The following IFNG-AS1 variants were observed in gnomAD, a reference collection of about 807,000 sequenced individuals.
IFNG-AS1 encodes the protein IFNG antisense RNA 1 (non-protein coding).
At chr12:68,013,258 A>G (rs1354334235) in intron 3 of IFNG-AS1, among the ~76,000 whole-genome samples, 2 of 152,238 alleles carry the variant, frequency 1.3e-5, no homozygotes, top group African/African-American at 4.8e-5. Context: ...ATAGGGAAAC[A>G]ACCCTAGCCC....
At chr12:68,020,241 A>C (rs1478681638) in intron 4 of IFNG-AS1, 1 of 152,184 alleles carries the variant, frequency 6.6e-6, no homozygotes, top group Non-Finnish European at 1.5e-5. Context: ...GACATGTGAC[A>C]TGTTGAATGT....
intron 3 of IFNG-AS1, among the ~76,000 whole-genome samples, chr12:68,018,901 C>T (rs537542807): frequency 6.6e-6 from 1 of 152,112 alleles, no homozygotes; most frequent in East Asian, 1.9e-4. Flanking sequence ...TGACCTATCC[C>T]AGAGCAACTT....
At chr12:67,994,706 G>A (rs188150017) in intron 1 of IFNG-AS1, among the ~76,000 whole-genome samples, 3 of 152,334 alleles carry the variant, frequency 2.0e-5, no homozygotes, top group South Asian at 2.1e-4. Flanking sequence ...TTATCTGGAT[G>A]ATGAAATAGA....
chr12:68,005,756 A>G (rs1364780720), intron 2 of IFNG-AS1, among the ~76,000 whole-genome samples: 1 of 152,234 alleles, frequency 6.6e-6, no homozygotes. Flanking sequence ...TAAGTAAATA[A>G]TAATGTACAT....
chr12:68,012,003 G>GT (rs1880042091), intron 3 of IFNG-AS1, among the ~76,000 whole-genome samples: 1 of 152,036 alleles, frequency 6.6e-6, no homozygotes, highest in African/African-American at 2.4e-5. Context: ...AAGGTTTGAT[G>GT]TTTTTTTCAT....
At chr12:67,998,186 G>T (rs967269183) in intron 2 of IFNG-AS1, among the ~76,000 whole-genome samples, 12 of 151,906 alleles carry the variant, frequency 7.9e-5, no homozygotes, top group African/African-American at 2.4e-4. Context: ...TTTGCACAGG[G>T]TTATTAATTG....
intron 1 of IFNG-AS1, among the ~76,000 whole-genome samples, chr12:67,992,747 A>G (rs1180192483): frequency 6.6e-6 from 1 of 152,218 alleles, no homozygotes; most frequent in Non-Finnish European, 1.5e-5. Context: ...TGGTTACCAA[A>G]TTAGACACTG....
intron 3 of IFNG-AS1, among the ~76,000 whole-genome samples, chr12:68,007,872 C>T (rs1289898179): frequency 3.9e-5 from 6 of 152,104 alleles, no homozygotes; most frequent in African/African-American, 9.7e-5. Flanking sequence ...GGTGCCCTCA[C>T]GATGAGATGA....
intron 2 of IFNG-AS1, among the ~76,000 whole-genome samples, chr12:68,005,884 A>G (rs997425928): frequency 1.3e-5 from 2 of 152,356 alleles, no homozygotes; most frequent in South Asian, 2.1e-4. Flanking sequence ...TCTAGTTATT[A>G]TACCTTCCCA....
intron 3 of IFNG-AS1, among the ~76,000 whole-genome samples, chr12:68,015,218 C>G (rs1297022670): frequency 1.3e-5 from 2 of 152,078 alleles, no homozygotes; most frequent in Non-Finnish European, 2.9e-5. Context: ...CAGGCAGGGG[C>G]TTCAACTCGG....
At chr12:68,007,998 G>A (rs1384042628) in intron 3 of IFNG-AS1, among the ~76,000 whole-genome samples, 1 of 152,136 alleles carries the variant, frequency 6.6e-6, no homozygotes, top group Non-Finnish European at 1.5e-5. Flanking sequence ...AACTAAAAAT[G>A]GAAAACCATT....
intron 2 of IFNG-AS1, among the ~76,000 whole-genome samples, chr12:67,999,049 T>C (rs1300287506): frequency 6.6e-6 from 1 of 152,178 alleles, no homozygotes; most frequent in East Asian, 1.9e-4. Flanking sequence ...ATTAACACTG[T>C]AATACTGGAC....
chr12:67,999,798 C>G (rs923197643), intron 2 of IFNG-AS1, among the ~76,000 whole-genome samples: 1 of 152,188 alleles, frequency 6.6e-6, no homozygotes, highest in Admixed American at 6.5e-5. Context: ...CCTAAAGTCT[C>G]TCTCTACGAA....
chr12:67,991,859 G>A (rs912402472), intron 1 of IFNG-AS1, among the ~76,000 whole-genome samples: 1 of 152,184 alleles, frequency 6.6e-6, no homozygotes, highest in African/African-American at 2.4e-5. Context: ...TGTTTTAAAT[G>A]AAATAGCTCA....
chr12:68,019,461 A>T (rs1278412638), intron 3 of IFNG-AS1, among the ~76,000 whole-genome samples: 1 of 152,176 alleles, frequency 6.6e-6, no homozygotes, highest in Non-Finnish European at 1.5e-5. Context: ...ATGCTAATAT[A>T]CACTGTGCTT....
At chr12:68,008,198 TGAGGTCAG>T (rs1879948065) in intron 3 of IFNG-AS1, among the ~76,000 whole-genome samples, 1 of 151,978 alleles carries the variant, frequency 6.6e-6, no homozygotes, top group Admixed American at 6.6e-5. Flanking sequence ...AGGCGGATCA[TGAGGTCAG>T]GAGATCGAGA....
rs551668326 is a variant in IFNG-AS1, at chr12:68,018,776, T to A, written n.242-1086T>A. Among the ~76,000 whole-genome samples, 112 of 14,952 alleles carry A rather than the reference T, an allele frequency of 7.5e-3. 1 individual carries two copies. In the South Asian group the frequency reaches 0.27, roughly 36 times the overall value. The allele number at this position is 14,952 out of a possible 152,430, so 9.8% of individuals were successfully genotyped here. On this transcript the variant is annotated intron_variant and non_coding_transcript_variant, in intron 3 of 5. Transcript: ENST00000536914. Reference sequence around the variant, plus strand: ...TTTTTTATTTTGTTTTGTTTTGTTTTTATATATATATTTTTTTTTATTATA... The same window carrying A: ...TTTTTTATTTTGTTTTGTTTTGTTTATATATATATATTTTTTTTTATTATA...
At chr12:68,011,358 T>C (rs1211817428) in intron 3 of IFNG-AS1, among the ~76,000 whole-genome samples, 1 of 152,194 alleles carries the variant, frequency 6.6e-6, no homozygotes, top group African/African-American at 2.4e-5. Flanking sequence ...TAAACAGTTT[T>C]AACAACCACT....
chr12:68,014,305 T>C (rs757806006), intron 3 of IFNG-AS1, among the ~76,000 whole-genome samples: 2 of 152,204 alleles, frequency 1.3e-5, no homozygotes, highest in Non-Finnish European at 2.9e-5. Context: ...AGATACCCAC[T>C]AGTGGGATTG....
Sources: gnomAD v4.1 joint callset for allele counts (sites outside exome capture counted in the v4.1 genomes callset) on GRCh38, gnomAD v4.1.1 for gene constraint, MANE v1.5 for transcripts, NCBI Gene and HGNC (gene_info 2026-07-23, HGNC 2026-07-21) for gene names.